WDTC1: variants seen among roughly 807,000 people sequenced by gnomAD.
The protein encoded by WDTC1 is WD and tetratricopeptide repeats protein 1.
A neutral mutation model predicts 76.0 loss-of-function variants in WDTC1; 12 were observed. The observed-to-expected ratio is 0.16, with a 90% CI of 0.10 to 0.26. The LOEUF (loss-of-function observed/expected upper bound fraction) is 0.26, where lower values mean the gene tolerates loss of function less well. Among genes scored for constraint, WDTC1 ranks in the 10% least tolerant of loss-of-function variants. The pLI is 1.00. For missense variants in WDTC1, 511 were observed against 908.8 expected (o/e 0.56, Z 5.63); for synonymous variants, 326 against 350.8 (o/e 0.93, Z 0.79).
In WDTC1 at chr1:27,303,421, G is replaced by T. The variant is rs865884513; in HGVS notation, c.1469-200G>T. On this transcript the variant is annotated intron_variant, in intron 13 of 15. Transcript: ENST00000319394. This position sits in a 1 kb window ranked among gnomAD's most constrained non-coding sequence, Gnocchi z 4.8. ...AACCAGGGCCCTCCTGGCATCAAAG[G>T]TCTCCTCTTGAACATCCTCAGGGGC... Among the ~76,000 whole-genome samples, 13 of 152,268 alleles carry T rather than the reference G, an allele frequency of 8.5e-5. No individual in the cohort carries two copies. The highest frequency in any genetic ancestry group is 1.9e-4 in the East Asian group (1 of 5,180).
intron 3 of WDTC1, among the ~76,000 whole-genome samples, chr1:27,268,132 TTCA>T (rs1293488074): frequency 2.0e-5 from 3 of 152,242 alleles, no homozygotes; most frequent in Non-Finnish European, 4.4e-5. Context: ...CCCCAATGTG[TTCA>T]TCATCATTTT....
At position 27,303,094 on chromosome 1, in the gene WDTC1, G is replaced by A. The variant is rs1052221258; in HGVS notation, c.1469-527G>A. Among the ~76,000 whole-genome samples the A allele has an allele frequency of 2.0e-5, 3 of 152,178 alleles. No individual in the cohort carries two copies. The highest frequency in any genetic ancestry group is 3.4e-3 in the Middle Eastern group (1 of 294). ...TTGAGACCAGCCTGGCCAATGTGGC[G>A]AAACCCCGTCTCTACTAAAAATACA... On this transcript the variant is annotated intron_variant, in intron 13 of 15. Transcript: ENST00000319394. This position sits in a 1 kb window ranked among gnomAD's most constrained non-coding sequence, Gnocchi z 4.8.
intron 1 of WDTC1, among the ~76,000 whole-genome samples, chr1:27,240,974 A>AAAC (rs1197398025): frequency 6.6e-6 from 1 of 151,070 alleles, no homozygotes; most frequent in Non-Finnish European, 1.5e-5. Flanking sequence ...CTCCATCTCA[A>AAAC]AAAAAAAAAA....
chr1:27,234,817 G>A lies in WDTC1; in HGVS notation c.-234G>A. 2 of 397,624 alleles carry A rather than the reference G, an allele frequency of 5.0e-6. No homozygotes were observed. The highest frequency in any genetic ancestry group is 1.3e-4 in the South Asian group (1 of 7,866). 24.6% of individuals were successfully genotyped at this position (397,624 alleles called of 1,614,324 possible). On this transcript the variant is annotated 5_prime_UTR_variant, in exon 1 of 16. Coordinates refer to ENST00000319394, the MANE Select transcript of WDTC1 (RefSeq NM_001276252.2). ...GCGCCGGGCGGGGAGCATGGGAAGG[G>A]GCTAGAACTGCTCGAGCCCCCCAGC...
At chr1:27,290,572 G>A (rs541055439) in intron 6 of WDTC1, among the ~76,000 whole-genome samples, 2 of 152,278 alleles carry the variant, frequency 1.3e-5, no homozygotes, top group East Asian at 1.9e-4. Flanking sequence ...CTATATACCT[G>A]GGAGGGGGCA....
At chr1:27,247,505 T>C (rs1557477663) in intron 1 of WDTC1, among the ~76,000 whole-genome samples, 1 of 152,126 alleles carries the variant, frequency 6.6e-6, no homozygotes, top group Non-Finnish European at 1.5e-5. Flanking sequence ...TAGGTTCCAG[T>C]GTCTGTTGTT....
At chr1:27,298,393 T>C (rs1290363138) in intron 12 of WDTC1, among the ~76,000 whole-genome samples, 3 of 152,232 alleles carry the variant, frequency 2.0e-5, no homozygotes, top group South Asian at 2.1e-4. Context: ...TATAAAGTGC[T>C]GTGGCCCCTG....
chr1:27,235,205 G>A (rs538765076), intron 1 of WDTC1, among the ~76,000 whole-genome samples: 31 of 152,268 alleles, frequency 2.0e-4, no homozygotes, highest in Admixed American at 3.3e-4. Context: ...GGGAGTCCGG[G>A]GAGGCTCTGC....
intron 3 of WDTC1, among the ~76,000 whole-genome samples, chr1:27,268,264 G>T (rs941024124): frequency 6.7e-6 from 1 of 149,884 alleles, no homozygotes; most frequent in Admixed American, 6.6e-5. Context: ...AACATGGCAA[G>T]ACCCCTGTCT....
chr1:27,268,608 G>A (rs1335738383), intron 3 of WDTC1, among the ~76,000 whole-genome samples: 2 of 151,792 alleles, frequency 1.3e-5, no homozygotes, highest in African/African-American at 2.4e-5. Context: ...TAGTAGAGGT[G>A]GGGTTTCACC....
chr1:27,263,238 A>T lies in WDTC1; in HGVS notation c.132+3A>T, dbSNP rs747344667. On this transcript the variant is annotated splice_donor_region_variant and intron_variant, in intron 3 of 15. Transcript: ENST00000319394. ...TGGGCCTGGAAGCAGAGCTGCAGGT[A>T]AGAGATCCAGTTTGCACCTTAGATG... 1 of 1,612,710 alleles carries T rather than the reference A, an allele frequency of 6.2e-7. No individual in the cohort carries two copies. Among genetic ancestry groups the T allele is most frequent in the Non-Finnish European group, 8.5e-7 (1 of 1,179,676 alleles).
chr1:27,304,634 C>T (rs748753164), intron 14 of WDTC1: 2 of 173,532 alleles, frequency 1.2e-5, no homozygotes, highest in African/African-American at 4.8e-5. Flanking sequence ...CTCTAAATGT[C>T]AGTGGTGTGT....
chr1:27,258,175 T>C (rs1375006532), intron 1 of WDTC1, among the ~76,000 whole-genome samples: 1 of 149,300 alleles, frequency 6.7e-6, no homozygotes, highest in Non-Finnish European at 1.5e-5. Flanking sequence ...AAGGTGAGAG[T>C]GTTGCTTGAG....
chr1:27,241,738 T>C (rs1165695301), intron 1 of WDTC1, among the ~76,000 whole-genome samples: 2 of 152,180 alleles, frequency 1.3e-5, no homozygotes, highest in African/African-American at 4.8e-5. Context: ...ATGCTCCCTT[T>C]TCTCTGTTTC....
intron 6 of WDTC1, among the ~76,000 whole-genome samples, chr1:27,289,425 T>C (rs1268616799): frequency 4.5e-5 from 6 of 134,026 alleles, no homozygotes; most frequent in Non-Finnish European, 7.9e-5. Context: ...TCTCAGACGA[T>C]GGGCGGCCGG....
intron 1 of WDTC1, among the ~76,000 whole-genome samples, chr1:27,251,595 G>A (rs2012064842): frequency 6.6e-6 from 1 of 152,132 alleles, no homozygotes. Context: ...TGAAGCAGGA[G>A]GATTGTTTGA....
chr1:27,256,832 C>T (rs2012295566), intron 1 of WDTC1, among the ~76,000 whole-genome samples: 1 of 152,134 alleles, frequency 6.6e-6, no homozygotes, highest in African/African-American at 2.4e-5. Flanking sequence ...ATGCCTGGCA[C>T]ATAGTAAGTG....
At chr1:27,240,835 C>T (rs535393061) in intron 1 of WDTC1, among the ~76,000 whole-genome samples, 5 of 151,984 alleles carry the variant, frequency 3.3e-5, no homozygotes, top group South Asian at 4.2e-4. Flanking sequence ...ATTAGCCTGG[C>T]GTGGTGGCGG....
At position 27,304,947 on chromosome 1, in the gene WDTC1, G is replaced by C. The variant is rs2013916708; in HGVS notation, c.1644-54G>C. On this transcript the variant is annotated intron_variant, in intron 14 of 15. Coordinates refer to ENST00000319394, the MANE Select transcript of WDTC1 (RefSeq NM_001276252.2). Reference sequence around the variant, plus strand: ...TACCTAGGCCATGCAGCCTCTACTTGAGGCTGTAGGGCAGTACCCCACCTG... The same window carrying C: ...TACCTAGGCCATGCAGCCTCTACTTCAGGCTGTAGGGCAGTACCCCACCTG... 11 of 1,545,484 alleles carry C rather than the reference G, an allele frequency of 7.1e-6. No homozygotes were observed. In the South Asian group the frequency reaches 1.1e-4, roughly 15 times the overall value.
Sources: allele counts gnomAD v4.1 joint callset (sites outside exome capture counted in the v4.1 genomes callset), GRCh38; gene constraint gnomAD v4.1.1; non-coding constraint Gnocchi (gnomAD v3.1); transcripts MANE v1.5; gene names NCBI Gene and HGNC (gene_info 2026-07-23, HGNC 2026-07-21).